The following TLE3 variants were observed in gnomAD, a reference collection of about 807,000 sequenced individuals.
TLE3 encodes the protein transducin-like enhancer protein 3.
A neutral mutation model predicts 93.0 loss-of-function variants in TLE3; 14 were observed. The ratio of observed to expected loss-of-function variants is 0.15; its 90% confidence interval spans 0.10 to 0.24. The LOEUF (loss-of-function observed/expected upper bound fraction) is 0.24. Ranked by LOEUF, TLE3 falls within the 10% of genes least tolerant of loss-of-function variation. The pLI is 1.00. For synonymous variants in TLE3, 451 were observed against 425.0 expected (o/e 1.06, Z -0.75); for missense variants, 693 against 1,046.6 (o/e 0.66, Z 4.66).
At chr15:70,086,751 G>A (rs2058054193) in intron 4 of TLE3, among the ~76,000 whole-genome samples, 1 of 152,166 alleles carries the variant, frequency 6.6e-6, no homozygotes, top group Non-Finnish European at 1.5e-5. Flanking sequence ...GGAACTCCAT[G>A]CCCAAACAGC....
intron 4 of TLE3, among the ~76,000 whole-genome samples, chr15:70,093,082 G>T (rs1394594749): frequency 6.6e-6 from 1 of 152,170 alleles, no homozygotes; most frequent in Non-Finnish European, 1.5e-5. Flanking sequence ...CCTTCCAGTT[G>T]CAGAACCTGT....
intron 4 of TLE3, among the ~76,000 whole-genome samples, chr15:70,082,587 A>G (rs1212809777): frequency 6.6e-6 from 1 of 152,228 alleles, no homozygotes; most frequent in Admixed American, 6.5e-5. Flanking sequence ...CAAATTATAT[A>G]TAACTACAAC....
chr15:70,056,552 C>T (rs1017164728), intron 13 of TLE3, among the ~76,000 whole-genome samples, 178 bp from the exon 14 acceptor site: 9 of 152,124 alleles, frequency 5.9e-5, no homozygotes, highest in South Asian at 4.1e-4. Flanking sequence ...CAGGACAGCC[C>T]GTGGCAGGGA....
At position 70,096,269 on chromosome 15, in the gene TLE3, C is replaced by T; in HGVS notation, c.25-8G>A. The T allele has an allele frequency of 1.3e-6, 2 of 1,551,764 alleles. No homozygotes were observed. Among genetic ancestry groups the T allele is most frequent in the Non-Finnish European group, 1.7e-6 (2 of 1,147,544 alleles). ...CCCGGGTTGATGGGGAGCCTGGAGC[C>T]CGCGAAGACAAGACAGGGGAGGGGG... On this transcript the variant is annotated splice_polypyrimidine_tract_variant and splice_region_variant and intron_variant, in intron 1 of 19. Transcript: ENST00000451782.
At chr15:70,086,091 A>G (rs1311750518) in intron 4 of TLE3, among the ~76,000 whole-genome samples, 2 of 152,142 alleles carry the variant, frequency 1.3e-5, no homozygotes, top group African/African-American at 4.8e-5. Context: ...CCGACCAGTT[A>G]GACCCTCACT....
intron 6 of TLE3, among the ~76,000 whole-genome samples, chr15:70,069,498 C>T (rs537652870): frequency 6.6e-6 from 1 of 152,324 alleles, no homozygotes; most frequent in East Asian, 1.9e-4. Context: ...TAGGAGCGTC[C>T]TCTTTGCAAA....
chr15:70,095,463 C>T (rs750714093), intron 3 of TLE3, 115 bp downstream of exon 3: 277 of 1,544,180 alleles, frequency 1.8e-4, no homozygotes, highest in Admixed American at 5.8e-4. Flanking sequence ...TCTCTCAGGG[C>T]CGCCCTGCGG....
At chr15:70,067,974 T>C (rs1470421831) in intron 6 of TLE3, among the ~76,000 whole-genome samples, 3 of 152,210 alleles carry the variant, frequency 2.0e-5, no homozygotes, top group African/African-American at 4.8e-5. Flanking sequence ...CACAAAGCTA[T>C]GGGGGCCCCT....
At chr15:70,059,635 C>T (rs1024521281) in intron 9 of TLE3, among the ~76,000 whole-genome samples, 175 bp from the exon 10 acceptor site, 4 of 152,212 alleles carry the variant, frequency 2.6e-5, no homozygotes, top group African/African-American at 7.2e-5. Flanking sequence ...CAGCTCAACA[C>T]GGTCTCCCCG....
intron 8 of TLE3, among the ~76,000 whole-genome samples, chr15:70,061,994 G>A (rs2056507363): frequency 6.6e-6 from 1 of 152,236 alleles, no homozygotes; most frequent in Non-Finnish European, 1.5e-5. Context: ...GCGTGGCTCA[G>A]GGGCAAGGGC....
chr15:70,052,653 G>C, intron 17 of TLE3, 129 bp from the exon 18 acceptor site: 3 of 1,003,630 alleles, frequency 3.0e-6, no homozygotes, highest in Non-Finnish European at 4.2e-6. Flanking sequence ...AATAACCCAG[G>C]AGTATGGGAG....
chr15:70,058,145 C>T lies in TLE3; in HGVS notation c.1051+14G>A. 1.2e-6 allele frequency: 2 copies of T among 1,613,964 alleles called. No homozygotes were observed. Among genetic ancestry groups the T allele is most frequent in the Non-Finnish European group, 1.7e-6 (2 of 1,179,864 alleles). ...AATCAGATTAACCCAGCCCATGGTGCCTACCCATTATACCTATCGGGTCCA... is the reference window on the plus strand; with the variant it reads ...AATCAGATTAACCCAGCCCATGGTGTCTACCCATTATACCTATCGGGTCCA... On this transcript the variant is annotated intron_variant, in intron 12 of 19. Transcript: ENST00000451782. This position sits in a 1 kb window ranked among gnomAD's most constrained non-coding sequence, Gnocchi z 4.1.
chr15:70,096,008 G>A, intron 2 of TLE3, 153 bp downstream of exon 2: 2 of 945,172 alleles, frequency 2.1e-6, no homozygotes, highest in South Asian at 1.7e-5. Context: ...GGTTAAGGCG[G>A]CGCGCTCGGA....
At chr15:70,092,510 C>T (rs1008314830) in intron 4 of TLE3, among the ~76,000 whole-genome samples, 2 of 152,186 alleles carry the variant, frequency 1.3e-5, no homozygotes, top group Non-Finnish European at 2.9e-5. Flanking sequence ...TCCTGGCCTC[C>T]CTGAAGCCTC....
chr15:70,074,371 C>G, intron 6 of TLE3, 162 bp downstream of exon 6: 1 of 792,842 alleles, frequency 1.3e-6, no homozygotes, highest in Non-Finnish European at 2.0e-6. Context: ...GGGGAAACAG[C>G]CCTACATGGG....
intron 6 of TLE3, chr15:70,066,904 G>A (rs766812035): frequency 5.4e-5 from 21 of 389,274 alleles, no homozygotes; most frequent in South Asian, 3.7e-4. Context: ...GCCTGGGGCA[G>A]GTTACTTCAA....
intron 4 of TLE3, among the ~76,000 whole-genome samples, chr15:70,082,304 T>C (rs2057815937): frequency 6.6e-6 from 1 of 151,890 alleles, no homozygotes; most frequent in Non-Finnish European, 1.5e-5. Flanking sequence ...GTGGGTGTTT[T>C]ATCAACAGAG....
In TLE3 at chr15:70,050,297, C is replaced by CG; in HGVS notation, c.2203-94dup. 10 of 958,812 alleles carry CG rather than the reference C, an allele frequency of 1.0e-5. No individual in the cohort carries two copies. The South Asian group carries it at 1.4e-4, about 13-fold the overall frequency. 59.4% of individuals were successfully genotyped at this position (958,812 alleles called of 1,614,324 possible). On this transcript the variant is annotated intron_variant, in intron 19 of 19. Transcript: ENST00000451782. ...CATTTTCCAGTGCTCAACACCATCT[C>CG]GGTTCTCTCGGCAACAATTGCCCTC...
chr15:70,050,190 C>G lies in TLE3; in HGVS notation c.2217G>C (p.Ser739=), dbSNP rs35256928. 8 of 1,613,734 alleles carry G rather than the reference C, an allele frequency of 5.0e-6. No homozygotes were observed. In the African/African-American group the frequency reaches 5.3e-5, roughly 11 times the overall value. ...CTGAAATGTCACAACTCAAGACAGA[C>G]GAGGATTCTTTAGACTGGAGGAGGA... ...GASIFQSKES[S]SVLSCDISAD... Residue 739 remains serine, a synonymous_variant, in exon 20 of 20, where the codon TCG becomes TCC. Coordinates refer to ENST00000451782, the MANE Select transcript of TLE3 (RefSeq NM_001105192.3).
Sources: allele counts gnomAD v4.1 joint callset (sites outside exome capture counted in the v4.1 genomes callset), GRCh38; gene constraint gnomAD v4.1.1; non-coding constraint Gnocchi (gnomAD v3.1); transcripts MANE v1.5; gene names NCBI Gene and HGNC (gene_info 2026-07-23, HGNC 2026-07-21).